The following PABPC4L variants were observed in gnomAD, a reference collection of about 807,000 sequenced individuals.
PABPC4L encodes the protein poly(A) binding protein cytoplasmic 4 like.
For missense variants in PABPC4L, 452 were observed against 451.4 expected, an observed-to-expected ratio of 1.00 and a Z score of -0.01; for synonymous variants, 169 against 164.1, an observed-to-expected ratio of 1.03 and a Z score of -0.23.
chr4:134,140,987 C>T, the PABPC4L span, among the ~76,000 whole-genome samples: 1 of 151,562 alleles, frequency 6.6e-6, no homozygotes, highest in Non-Finnish European at 1.5e-5. Flanking sequence ...TGAAAATTTG[C>T]AGTAAAACAA....
At chr4:133,954,193 C>T in the PABPC4L span, among the ~76,000 whole-genome samples, 5 of 152,210 alleles carry the variant, frequency 3.3e-5, no homozygotes, top group African/African-American at 1.2e-4. Context: ...CCTTTTGCCC[C>T]CTGATCTTCC....
At chr4:133,956,225 A>G in the PABPC4L span, among the ~76,000 whole-genome samples, 7 of 152,222 alleles carry the variant, frequency 4.6e-5, no homozygotes, top group Admixed American at 3.3e-4. Context: ...TCAAATTTTT[A>G]TAAGTGAGGG....
the PABPC4L span, among the ~76,000 whole-genome samples, chr4:133,992,942 C>G: frequency 1.3e-5 from 2 of 151,890 alleles, no homozygotes; most frequent in African/African-American, 4.8e-5. Flanking sequence ...TTTCTAGTAC[C>G]AGGTTGGGTC....
chr4:134,094,003 C>G, the PABPC4L span, among the ~76,000 whole-genome samples: 2 of 151,844 alleles, frequency 1.3e-5, no homozygotes, highest in East Asian at 3.9e-4. Context: ...TCTTTCCTTT[C>G]AACTTTCAAT....
the PABPC4L span, among the ~76,000 whole-genome samples, chr4:134,137,393 A>G: frequency 6.6e-6 from 1 of 151,932 alleles, no homozygotes; most frequent in Non-Finnish European, 1.5e-5. Context: ...GTTTACAAGT[A>G]TAAGAGATTA....
At chr4:134,137,984 T>C in the PABPC4L span, among the ~76,000 whole-genome samples, 20 of 151,856 alleles carry the variant, frequency 1.3e-4, no homozygotes, top group Non-Finnish European at 2.1e-4. Flanking sequence ...TCCATTACTG[T>C]ACCCATTCCA....
chr4:134,170,844 A>C, the PABPC4L span, among the ~76,000 whole-genome samples: 7 of 152,180 alleles, frequency 4.6e-5, no homozygotes, highest in African/African-American at 1.7e-4. Context: ...CTTTGGGTAT[A>C]TACCCAATAA....
the PABPC4L span, among the ~76,000 whole-genome samples, chr4:134,155,925 G>A: frequency 2.6e-5 from 4 of 151,940 alleles, no homozygotes; most frequent in South Asian, 8.3e-4. Context: ...TTCAAAATGA[G>A]CCAAGGTACC....
the PABPC4L span, among the ~76,000 whole-genome samples, chr4:134,000,668 T>C: frequency 6.6e-6 from 1 of 152,116 alleles, no homozygotes; most frequent in Non-Finnish European, 1.5e-5. Context: ...CTGAGTACAG[T>C]GGATTGCCTT....
At chr4:134,104,834 G>T in the PABPC4L span, among the ~76,000 whole-genome samples, 2 of 151,484 alleles carry the variant, frequency 1.3e-5, no homozygotes, top group Admixed American at 1.3e-4. Flanking sequence ...AATACCTACT[G>T]CACAATTATC....
At position 134,198,419 on chromosome 4, in the gene PABPC4L, T is replaced by C. The variant is rs1729733378; in HGVS notation, c.*1488A>G. On this transcript the variant is annotated 3_prime_UTR_variant, in exon 2 of 2. Transcript: ENST00000421491. ...GCAAAGAATATACATATAATTTCTATAAAAATAAAAGGCAACAAATTTTTC... is the reference window on the plus strand; with the variant it reads ...GCAAAGAATATACATATAATTTCTACAAAAATAAAAGGCAACAAATTTTTC... 1.3e-5 allele frequency: 2 copies of C among 151,644 alleles called. No homozygotes were observed. The highest frequency in any genetic ancestry group is 3.0e-5 in the Non-Finnish European group (2 of 67,684). 9.4% of individuals were successfully genotyped at this position (151,644 alleles called of 1,614,324 possible).
chr4:134,178,829 CAG>C, the PABPC4L span, among the ~76,000 whole-genome samples: 2 of 151,912 alleles, frequency 1.3e-5, no homozygotes, highest in African/African-American at 4.8e-5. Context: ...TGAAATAACT[CAG>C]AAAGACAAAA....
chr4:134,177,186 C>CTT, the PABPC4L span, among the ~76,000 whole-genome samples: 1 of 24,590 alleles, frequency 4.1e-5, no homozygotes. Context: ...CTTTTCTTTT[C>CTT]TTTTTTTTTT....
the PABPC4L span, among the ~76,000 whole-genome samples, chr4:134,173,974 A>G: frequency 1.3e-5 from 2 of 152,134 alleles, no homozygotes; most frequent in Admixed American, 1.3e-4. Context: ...CTTAAAACAC[A>G]AACACATTGT....
the PABPC4L span, among the ~76,000 whole-genome samples, chr4:134,068,191 A>C: frequency 6.6e-6 from 1 of 152,164 alleles, no homozygotes; most frequent in African/African-American, 2.4e-5. Context: ...TTGCTTTACA[A>C]ATCTCAGTGC....
At chr4:134,125,937 C>T in the PABPC4L span, among the ~76,000 whole-genome samples, 1 of 152,136 alleles carries the variant, frequency 6.6e-6, no homozygotes, top group East Asian at 1.9e-4. Flanking sequence ...GGGTTAAACA[C>T]ACATACTCTA....
chr4:134,144,241 G>T, the PABPC4L span, among the ~76,000 whole-genome samples: 1 of 151,454 alleles, frequency 6.6e-6, no homozygotes, highest in Non-Finnish European at 1.5e-5. Flanking sequence ...GCAAAAGAAA[G>T]AAAGAAGTTC....
At chr4:134,109,037 C>T in the PABPC4L span, among the ~76,000 whole-genome samples, 25 of 151,526 alleles carry the variant, frequency 1.6e-4, no homozygotes, top group African/African-American at 5.1e-4. Context: ...TTGAGGTGTA[C>T]CAAAATCAAA....
the PABPC4L span, among the ~76,000 whole-genome samples, chr4:134,106,572 T>C: frequency 6.6e-6 from 1 of 151,452 alleles, no homozygotes; most frequent in Non-Finnish European, 1.5e-5. Context: ...CAGAAAAATA[T>C]GAAAATAGGT....
Sources: gnomAD v4.1 joint callset for allele counts (sites outside exome capture counted in the v4.1 genomes callset) on GRCh38, gnomAD v4.1.1 for gene constraint, MANE v1.5 for transcripts, NCBI Gene and HGNC (gene_info 2026-07-23, HGNC 2026-07-21) for gene names.